Variants in OTC observed in about 807,000 individuals in gnomAD.
The protein encoded by OTC is ornithine transcarbamylase.
A neutral mutation model predicts 30.3 loss-of-function variants in OTC; 3 were observed. The ratio of observed to expected loss-of-function variants is 0.10; its 90% confidence interval spans 0.05 to 0.26. OTC has a LOEUF of 0.26. OTC is among the 10% of genes least tolerant of loss of function. The pLI, the probability that OTC is intolerant of heterozygous loss-of-function variation, is 1.00. For synonymous variants in OTC, 111 were observed against 99.7 expected (o/e 1.11, Z -0.67); for missense variants, 194 against 260.3 (o/e 0.75, Z 1.75).
chrX:38,392,148 G>A (rs1297591813), intron 4 of OTC, among the ~76,000 whole-genome samples: 2 of 111,799 alleles, frequency 1.8e-5, no homozygotes, highest in Non-Finnish European at 3.8e-5. Context: ...TCCTAATATT[G>A]GCCATTAAAC....
chrX:38,406,244 T>A (rs960072983), intron 6 of OTC, among the ~76,000 whole-genome samples: 9 of 112,119 alleles, frequency 8.0e-5, no homozygotes, highest in African/African-American at 2.6e-4. Context: ...ATTGTAAATT[T>A]TAGAAACACT....
At chrX:38,413,020 T>C (rs1172220823) in intron 9 of OTC, among the ~76,000 whole-genome samples, 2 of 111,733 alleles carry the variant, frequency 1.8e-5, no homozygotes, top group African/African-American at 3.3e-5. Context: ...TAGCAGAAGA[T>C]CCAATCTCTC....
intron 5 of OTC, among the ~76,000 whole-genome samples, chrX:38,402,799 ATTATTATTATTATTTTTG>A (rs1329515523): frequency 9.1e-6 from 1 of 110,481 alleles, no homozygotes; most frequent in African/African-American, 3.3e-5. Context: ...AACCAACAGT[ATTATTATTATTATTTTTG>A]TTATTATTAT....
chrX:38,364,232 G>T (rs1014179317), intron 1 of OTC, among the ~76,000 whole-genome samples: 6 of 111,426 alleles, frequency 5.4e-5, no homozygotes, highest in Non-Finnish European at 9.4e-5. Flanking sequence ...TAATCTATTA[G>T]TATAGCAGCA....
chrX:38,359,559 A>G (rs925300326), intron 1 of OTC, among the ~76,000 whole-genome samples: 1 of 109,888 alleles, frequency 9.1e-6, no homozygotes, highest in Non-Finnish European at 1.9e-5. Context: ...AGCTGGGATT[A>G]CAGGCCCTCA....
chrX:38,385,451 G>T (rs1199900273), intron 4 of OTC, among the ~76,000 whole-genome samples: 1 of 111,361 alleles, frequency 9.0e-6, no homozygotes, highest in African/African-American at 3.3e-5. Context: ...GGTGGCGGCT[G>T]CCTTAGATTG....
chrX:38,329,220 G>T, the OTC span, among the ~76,000 whole-genome samples: 1 of 111,419 alleles, frequency 9.0e-6, no homozygotes, highest in Non-Finnish European at 1.9e-5. Flanking sequence ...CTGAGATGGG[G>T]AACACTGAGG....
intron 9 of OTC, among the ~76,000 whole-genome samples, chrX:38,412,831 A>G (rs2068550573): frequency 8.9e-6 from 1 of 112,017 alleles, no homozygotes; most frequent in African/African-American, 3.2e-5. Context: ...TGCAGTGAAT[A>G]ATTCTTGGAC....
At chrX:38,374,450 T>G (rs1179769486) in intron 3 of OTC, among the ~76,000 whole-genome samples, 1 of 110,460 alleles carries the variant, frequency 9.1e-6, no homozygotes, top group East Asian at 2.9e-4. Flanking sequence ...ATCTGAGGCT[T>G]CTTTTTGATC....
chrX:38,342,264 G>T, the OTC span, among the ~76,000 whole-genome samples: 1 of 109,454 alleles, frequency 9.1e-6, no homozygotes, highest in Admixed American at 9.8e-5. Flanking sequence ...CTCGTGATCC[G>T]CCCGCCTCAA....
At chrX:38,364,738 G>C (rs961259897) in intron 1 of OTC, among the ~76,000 whole-genome samples, 38 of 109,417 alleles carry the variant, frequency 3.5e-4, no homozygotes, top group African/African-American at 1.2e-3. Flanking sequence ...GCTGCAATGA[G>C]CCGAGATCAC....
intron 8 of OTC, among the ~76,000 whole-genome samples, chrX:38,411,062 A>C (rs2068539725): frequency 9.0e-6 from 1 of 111,684 alleles, no homozygotes; most frequent in Non-Finnish European, 1.9e-5. Flanking sequence ...AATCTAATGC[A>C]TAGTGCTTAT....
chrX:38,388,649 AAAAG>A (rs1488112403), intron 4 of OTC, among the ~76,000 whole-genome samples: 1 of 111,801 alleles, frequency 8.9e-6, no homozygotes, highest in Non-Finnish European at 1.9e-5. Context: ...CGTACTACTG[AAAAG>A]TGCATAATAG....
intron 1 of OTC, among the ~76,000 whole-genome samples, chrX:38,360,955 C>T (rs1332756190): frequency 8.9e-6 from 1 of 112,107 alleles, no homozygotes; most frequent in East Asian, 2.8e-4. Flanking sequence ...GAGTATATAG[C>T]TGTGCTGCCT....
chrX:38,352,602 T>C (rs1193958484), upstream of OTC: 2 of 644,872 alleles, frequency 3.1e-6, no homozygotes, highest in East Asian at 6.7e-5. Flanking sequence ...TCACTGCAAC[T>C]GAACACATTT....
At chrX:38,401,459 C>A (rs772100645) in intron 5 of OTC, 31 bp downstream of exon 5, 3 of 1,124,971 alleles carry the variant, frequency 2.7e-6, no homozygotes, top group Non-Finnish European at 3.7e-6. Context: ...TACAAAAGAG[C>A]AAAATCAAAT....
At chrX:38,399,972 G>A (rs2068476748) in intron 4 of OTC, among the ~76,000 whole-genome samples, 1 of 111,650 alleles carries the variant, frequency 9.0e-6, no homozygotes, top group Admixed American at 9.5e-5. Context: ...TCCATCAGAA[G>A]TGGTAGAATA....
At chrX:38,337,633 G>A in the OTC span, among the ~76,000 whole-genome samples, 1 of 111,963 alleles carries the variant, frequency 8.9e-6, no homozygotes, top group Non-Finnish European at 1.9e-5. Context: ...CTTGGATTCG[G>A]TATAGATGCT....
intron 9 of OTC, among the ~76,000 whole-genome samples, 175 bp from the exon 10 acceptor site, chrX:38,420,848 C>T (rs1057427027): frequency 9.0e-6 from 1 of 111,085 alleles, no homozygotes; most frequent in Non-Finnish European, 1.9e-5. Context: ...TCATTTATAC[C>T]CTCCTCCAAT....
Sources: allele counts gnomAD v4.1 joint callset (sites outside exome capture counted in the v4.1 genomes callset), GRCh38; gene constraint gnomAD v4.1.1; transcripts MANE v1.5; gene names NCBI Gene and HGNC (gene_info 2026-07-23, HGNC 2026-07-21).